The following SDK1 variants were observed in gnomAD, a reference collection of about 807,000 sequenced individuals.
The protein encoded by SDK1 is protein sidekick-1.
A neutral mutation model predicts 245.5 loss-of-function variants in SDK1; 157 were observed. The ratio of observed to expected loss-of-function variants is 0.64; its 90% CI spans 0.56 to 0.73. The LOEUF (loss-of-function observed/expected upper bound fraction) is 0.73, where lower values mean the gene tolerates loss of function less well. SDK1 is among the 30% of genes least tolerant of loss of function. The pLI is 0.00. For synonymous variants in SDK1, 1,647 were observed against 1,278.5 expected (o/e 1.29, Z -6.15); for missense variants, 3,583 against 3,002.3 (o/e 1.19, Z -4.52).
chr7:3,791,734 G>C (rs1332521170), intron 4 of SDK1, among the ~76,000 whole-genome samples: 2 of 152,164 alleles, frequency 1.3e-5, no homozygotes, highest in Non-Finnish European at 2.9e-5. Flanking sequence ...CTTAATCAAG[G>C]GTGATCTGTT....
At position 3,576,156 on chromosome 7, in the gene SDK1, C is replaced by G. The variant is rs568224123; in HGVS notation, c.299-42924C>G. On this transcript the variant is annotated intron_variant, in intron 1 of 44. Coordinates refer to ENST00000404826, the MANE Select transcript of SDK1 (RefSeq NM_152744.4). ...CTGTCATCAGAATTTTCTACTAGAC[C>G]AGGTGTGCTTTGGATCTCTTAAGGG... 7.2e-5 allele frequency among the ~76,000 whole-genome samples: 11 copies of G among 152,126 alleles called. No individual in the cohort carries two copies. The South Asian group carries it at 2.3e-3, about 32-fold the overall frequency.
At chr7:3,549,003 G>A (rs921777786) in intron 1 of SDK1, among the ~76,000 whole-genome samples, 1 of 152,054 alleles carries the variant, frequency 6.6e-6, no homozygotes, top group African/African-American at 2.4e-5. Flanking sequence ...CTGTGCTGGA[G>A]GTGAGGCGCC....
intron 4 of SDK1, among the ~76,000 whole-genome samples, chr7:3,735,309 G>T (rs1244844105): frequency 6.6e-6 from 1 of 152,082 alleles, no homozygotes; most frequent in Non-Finnish European, 1.5e-5. Context: ...TACTTGCTAA[G>T]CAGTGACTCT....
At chr7:4,131,712 T>A (rs73671560) in intron 27 of SDK1, among the ~76,000 whole-genome samples, 9,368 of 152,110 alleles carry the variant, frequency 0.062, 790 homozygotes, top group African/African-American at 0.19. Flanking sequence ...CACACCTAGC[T>A]GCTTTTTCAG....
intron 4 of SDK1, among the ~76,000 whole-genome samples, chr7:3,796,747 C>T (rs11981385): frequency 0.27 from 40,557 of 152,018 alleles, 7,099 homozygotes; most frequent in African/African-American, 0.5. Flanking sequence ...TTCAAATATG[C>T]AGTATTGATT....
At chr7:3,506,405 C>T (rs1483853597) in intron 1 of SDK1, among the ~76,000 whole-genome samples, 10 of 152,082 alleles carry the variant, frequency 6.6e-5, no homozygotes, top group Non-Finnish European at 1.3e-4. Flanking sequence ...TTCTATTTAT[C>T]ACTAGTTATC....
intron 5 of SDK1, among the ~76,000 whole-genome samples, chr7:3,920,715 C>T (rs868819046): frequency 9.2e-5 from 14 of 152,076 alleles, no homozygotes; most frequent in African/African-American, 3.1e-4. Flanking sequence ...TTCTAATGGC[C>T]TCAGATAAGA....
At chr7:3,362,468 A>G (rs1209561121) in intron 1 of SDK1, among the ~76,000 whole-genome samples, 2 of 152,176 alleles carry the variant, frequency 1.3e-5, no homozygotes, top group African/African-American at 2.4e-5. Context: ...CACCAAACTC[A>G]TAATTCTTGG....
At chr7:4,023,580 G>T (rs1747936284) in intron 17 of SDK1, among the ~76,000 whole-genome samples, 1 of 152,158 alleles carries the variant, frequency 6.6e-6, no homozygotes, top group African/African-American at 2.4e-5. Context: ...CGCTTTTGGT[G>T]TCGAGTGGAA....
intron 30 of SDK1, 74 bp downstream of exon 30, chr7:4,149,537 T>C (rs1219399038): frequency 9.2e-7 from 1 of 1,090,634 alleles, no homozygotes; most frequent in Non-Finnish European, 1.2e-6. Flanking sequence ...GTCCAGATAG[T>C]GGGGAGGCTG....
intron 17 of SDK1, among the ~76,000 whole-genome samples, chr7:4,039,416 G>A (rs1426930559): frequency 6.7e-6 from 1 of 149,842 alleles, no homozygotes; most frequent in Non-Finnish European, 1.5e-5. Context: ...AAATATAAAA[G>A]TATATAAAGT....
chr7:4,101,631 C>T (rs1442752012), intron 22 of SDK1, among the ~76,000 whole-genome samples: 1 of 152,166 alleles, frequency 6.6e-6, no homozygotes, highest in Admixed American at 6.5e-5. Flanking sequence ...TGACAGAGGA[C>T]GATGGTGTCG....
intron 4 of SDK1, among the ~76,000 whole-genome samples, chr7:3,813,340 C>A (rs1047443442): frequency 6.8e-6 from 1 of 147,282 alleles, no homozygotes; most frequent in Non-Finnish European, 1.5e-5. Context: ...CATTTCCCAC[C>A]TATGAGTGAG....
At chr7:3,853,527 C>G (rs535295966) in intron 5 of SDK1, among the ~76,000 whole-genome samples, 87 of 152,206 alleles carry the variant, frequency 5.7e-4, no homozygotes, top group African/African-American at 2.0e-3. Context: ...TTGTATATCC[C>G]TTATTCAAAA....
chr7:3,554,124 T>C (rs1299157823), intron 1 of SDK1, among the ~76,000 whole-genome samples: 1 of 152,214 alleles, frequency 6.6e-6, no homozygotes, highest in East Asian at 1.9e-4. Flanking sequence ...TTGACGTTTC[T>C]GGAATACTTC....
intron 1 of SDK1, among the ~76,000 whole-genome samples, chr7:3,392,351 A>G (rs1393498884): frequency 1.3e-5 from 2 of 152,164 alleles, no homozygotes; most frequent in East Asian, 3.8e-4. Context: ...CAAATTGTCA[A>G]ATCTTTGTCC....
intron 1 of SDK1, among the ~76,000 whole-genome samples, chr7:3,474,493 C>A (rs1166079928): frequency 6.6e-6 from 1 of 152,020 alleles, no homozygotes; most frequent in African/African-American, 2.4e-5. Context: ...CTTGGCCTAC[C>A]CTTGACATGT....
chr7:3,699,211 T>G (rs1446048771), intron 4 of SDK1, among the ~76,000 whole-genome samples: 1 of 152,176 alleles, frequency 6.6e-6, no homozygotes, highest in Non-Finnish European at 1.5e-5. Context: ...ATGTCCAGGT[T>G]TCTAGTGAAA....
At chr7:3,353,291 G>A (rs575623757) in intron 1 of SDK1, among the ~76,000 whole-genome samples, 3 of 152,120 alleles carry the variant, frequency 2.0e-5, no homozygotes, top group Non-Finnish European at 4.4e-5. Flanking sequence ...AAACTTTGAT[G>A]AGTATCTTTC....
Sources: allele counts gnomAD v4.1 joint callset (sites outside exome capture counted in the v4.1 genomes callset), GRCh38; gene constraint gnomAD v4.1.1; transcripts MANE v1.5; gene names NCBI Gene and HGNC (gene_info 2026-07-23, HGNC 2026-07-21).